The following LY96 variants were observed in gnomAD, a reference collection of about 807,000 sequenced individuals.
The protein encoded by LY96 is myeloid differentiation protein-2.
Under a neutral mutation model 18.9 loss-of-function variants are expected in LY96, and 18 were observed. That is an observed-to-expected ratio of 0.95 (90% CI 0.66 to 1.41). The LOEUF (loss-of-function observed/expected upper bound fraction) is 1.41. Among genes scored for constraint, LY96 ranks in the 40% most tolerant of loss-of-function variants. The pLI is 0.00. For missense variants in LY96, 175 were observed against 182.4 expected (o/e 0.96, Z 0.23); for synonymous variants, 66 against 62.6 (o/e 1.06, Z -0.26).
chr8:74,031,871 C>T (rs1586664907), downstream of LY96, among the ~76,000 whole-genome samples: 3 of 151,356 alleles, frequency 2.0e-5, no homozygotes, highest in Admixed American at 2.0e-4. Flanking sequence ...TGCCTGTAAT[C>T]GCACCACTTT....
At chr8:74,095,567 C>T in the LY96 span, among the ~76,000 whole-genome samples, 1 of 152,210 alleles carries the variant, frequency 6.6e-6, no homozygotes, top group African/African-American at 2.4e-5. Context: ...AAGCTTGGTT[C>T]TCAGTCTTCA....
chr8:74,075,364 G>A, the LY96 span, among the ~76,000 whole-genome samples: 2 of 152,164 alleles, frequency 1.3e-5, no homozygotes, highest in Non-Finnish European at 2.9e-5. Flanking sequence ...TCGACCTTCT[G>A]GGCTGAAGCG....
At chr8:74,019,247 G>A (rs1024083980) in intron 3 of LY96, among the ~76,000 whole-genome samples, 7 of 152,096 alleles carry the variant, frequency 4.6e-5, no homozygotes, top group Non-Finnish European at 8.8e-5. Context: ...TATCACCACC[G>A]TTCCCACAGA....
chr8:73,997,539 A>G (rs1816176071), intron 1 of LY96, among the ~76,000 whole-genome samples: 2 of 152,172 alleles, frequency 1.3e-5, no homozygotes, highest in East Asian at 1.9e-4. Context: ...GTGAAATCTC[A>G]ACTTTATACC....
At position 74,023,211 on chromosome 8, in the gene LY96, C is replaced by A. The variant is rs531475955; in HGVS notation, c.332-3578C>A. Among the ~76,000 whole-genome samples, 34 of 152,274 alleles carry A rather than the reference C, an allele frequency of 2.2e-4. No individual in the cohort carries two copies. The East Asian group carries it at 5.8e-3, about 26-fold the overall frequency. On this transcript the variant is annotated intron_variant, in intron 3 of 4. Transcript: ENST00000284818. Reference sequence around the variant, plus strand: ...TCTTCTGTCCAGTGCAACCTGCTACCCTCTGCTCCTGGTGAAATCCTGGCT... The same window carrying A: ...TCTTCTGTCCAGTGCAACCTGCTACACTCTGCTCCTGGTGAAATCCTGGCT...
chr8:74,093,629 G>A, the LY96 span, among the ~76,000 whole-genome samples: 2 of 152,158 alleles, frequency 1.3e-5, no homozygotes, highest in Non-Finnish European at 2.9e-5. Flanking sequence ...GCTCAGCCCC[G>A]TGGGAGCAGA....
chr8:74,065,954 G>A, the LY96 span, among the ~76,000 whole-genome samples: 2 of 152,170 alleles, frequency 1.3e-5, no homozygotes, highest in African/African-American at 4.8e-5. Flanking sequence ...GGACATGCAG[G>A]ACAATTCAAA....
rs1563710848 is a variant in LY96 at position 74,002,074 on chromosome 8, CCTTT to C, written c.113-2703_113-2700del. Among the ~76,000 whole-genome samples, 8 of 16,412 alleles carry C rather than the reference CCTTT, an allele frequency of 4.9e-4. 1 individual carries two copies. The highest frequency in any genetic ancestry group is 7.1e-4 in the African/African-American group (3 of 4,244). The allele number at this position is 16,412 out of a possible 152,430, so 10.8% of individuals were successfully genotyped here. ...TCCTTCCTTCCTTCCTTCCTTCCTT[CCTTT>C]CTTTCTTTCTTTCTTTCTCTCTCTC... is the stretch of plus-strand genomic sequence containing the variant. On this transcript the variant is annotated intron_variant, in intron 1 of 4. Transcript: ENST00000284818.
the LY96 span, among the ~76,000 whole-genome samples, chr8:74,081,732 C>T: frequency 2.3e-3 from 345 of 152,198 alleles, no homozygotes; most frequent in African/African-American, 6.8e-3. Flanking sequence ...CGGCTCACTA[C>T]AACCTCTGCC....
chr8:74,082,521 A>C, the LY96 span, among the ~76,000 whole-genome samples: 1 of 152,156 alleles, frequency 6.6e-6, no homozygotes, highest in African/African-American at 2.4e-5. Context: ...TTTAGTTTTT[A>C]TTATTGTATT....
rs555128709 is a variant in LY96 at position 74,004,704 on chromosome 8, C to T, written c.113-92C>T. The T allele has an allele frequency of 1.3e-4, 152 of 1,186,768 alleles. No homozygotes were observed. The African/African-American group carries it at 2.2e-3, about 17-fold the overall frequency. 73.5% of individuals were successfully genotyped at this position (1,186,768 alleles called of 1,614,324 possible). On this transcript the variant is annotated intron_variant, in intron 1 of 4. Coordinates refer to ENST00000284818, the MANE Select transcript of LY96 (RefSeq NM_015364.5). ...TTTTTCTTATTTTATAATTTTAATG[C>T]AAGATTCATCTTAAAAGGCTGATAT...
the LY96 span, among the ~76,000 whole-genome samples, chr8:74,097,986 A>C: frequency 6.6e-6 from 1 of 152,190 alleles, no homozygotes; most frequent in Non-Finnish European, 1.5e-5. Flanking sequence ...TGTTGGTTAA[A>C]TTTTAGAGCA....
the LY96 span, among the ~76,000 whole-genome samples, chr8:74,066,521 G>T: frequency 6.6e-6 from 1 of 152,088 alleles, no homozygotes; most frequent in South Asian, 2.1e-4. Context: ...GAGGGAAGCA[G>T]GTATGCATAT....
chr8:74,080,690 G>A, the LY96 span, among the ~76,000 whole-genome samples: 1 of 152,064 alleles, frequency 6.6e-6, no homozygotes, highest in Admixed American at 6.5e-5. Flanking sequence ...GCTTTTTCTG[G>A]CCTGGTGAGA....
At chr8:74,065,863 C>G in the LY96 span, among the ~76,000 whole-genome samples, 1 of 152,174 alleles carries the variant, frequency 6.6e-6, no homozygotes, top group Admixed American at 6.5e-5. Flanking sequence ...GAGGAATGCT[C>G]TTGGAGTTGA....
the LY96 span, among the ~76,000 whole-genome samples, chr8:74,067,097 AG>A: frequency 6.6e-6 from 1 of 152,176 alleles, no homozygotes; most frequent in South Asian, 2.1e-4. Flanking sequence ...CCTTGGCAAA[AG>A]TTTTGGTTAC....
downstream of LY96, among the ~76,000 whole-genome samples, chr8:74,031,700 G>A (rs1165244268): frequency 6.6e-6 from 1 of 151,724 alleles, no homozygotes; most frequent in Non-Finnish European, 1.5e-5. Context: ...TAGAGTAAAG[G>A]AAAAATTATA....
intron 3 of LY96, among the ~76,000 whole-genome samples, chr8:74,015,935 C>T (rs1364395163): frequency 6.6e-6 from 1 of 152,326 alleles, no homozygotes; most frequent in East Asian, 1.9e-4. Context: ...CTGCAGCTCC[C>T]AGCGTGATCG....
chr8:74,007,066 C>T (rs1816426762), intron 2 of LY96, among the ~76,000 whole-genome samples: 1 of 152,170 alleles, frequency 6.6e-6, no homozygotes, highest in African/African-American at 2.4e-5. Flanking sequence ...AATCCTCAGA[C>T]CAGAATGCAT....
Sources: gnomAD v4.1 joint callset for allele counts (sites outside exome capture counted in the v4.1 genomes callset) on GRCh38, gnomAD v4.1.1 for gene constraint, MANE v1.5 for transcripts, NCBI Gene and HGNC (gene_info 2026-07-23, HGNC 2026-07-21) for gene names.